Variants in CUEDC1 observed in about 807,000 individuals in gnomAD.
The protein encoded by CUEDC1 is CUE domain containing 1.
Under a neutral mutation model 43.7 loss-of-function variants are expected in CUEDC1, and 30 were observed. The observed-to-expected ratio is 0.69, with a 90% CI of 0.51 to 0.93. CUEDC1 has a LOEUF of 0.93. CUEDC1 is among the 40% of genes least tolerant of loss of function. The pLI is 0.00. For synonymous variants in CUEDC1, 223 were observed against 223.6 expected (o/e 1.00, Z 0.02); for missense variants, 486 against 549.0 (o/e 0.89, Z 1.15).
At chr17:57,904,580 C>T (rs766911843) in intron 1 of CUEDC1, among the ~76,000 whole-genome samples, 1 of 152,212 alleles carries the variant, frequency 6.6e-6, no homozygotes, top group Non-Finnish European at 1.5e-5. Flanking sequence ...GGGAATGGCC[C>T]CTGCTCCCCG....
At chr17:57,875,349 G>C (rs1312979821) in intron 3 of CUEDC1, among the ~76,000 whole-genome samples, 2 of 152,174 alleles carry the variant, frequency 1.3e-5, no homozygotes. Flanking sequence ...TAGCCATGAA[G>C]ACTCCAAGTG....
At chr17:57,935,583 C>T (rs1043038764) in intron 1 of CUEDC1, among the ~76,000 whole-genome samples, 2 of 152,028 alleles carry the variant, frequency 1.3e-5, no homozygotes, top group Non-Finnish European at 2.9e-5. Flanking sequence ...GCCCCATCCC[C>T]GCTGCCCTCC....
chr17:57,919,029 T>C (rs879869591), intron 1 of CUEDC1, among the ~76,000 whole-genome samples: 71 of 150,444 alleles, frequency 4.7e-4, no homozygotes, highest in Non-Finnish European at 8.7e-4. Context: ...AATTTTTGTA[T>C]TATAGTAGAG....
At position 57,916,521 on chromosome 17, in the gene CUEDC1, G is replaced by A. The variant is rs751968550; in HGVS notation, c.-315-30642C>T. 8.3e-4 allele frequency among the ~76,000 whole-genome samples: 126 copies of A among 152,206 alleles called. 1 individual carries two copies. Among genetic ancestry groups the A allele is most frequent in the Non-Finnish European group, 2.6e-4 (18 of 68,036 alleles). ...CATGGAGATGCGACGGGGAAGCAAA[G>A]GAACAAAACAGGGAGAAACACAAAC... On this transcript the variant is annotated intron_variant, in intron 1 of 10. Transcript: ENST00000577830.
At chr17:57,902,335 A>C (rs73992370) in intron 1 of CUEDC1, among the ~76,000 whole-genome samples, 3,683 of 152,324 alleles carry the variant, frequency 0.024, 141 homozygotes, top group African/African-American at 0.083. Context: ...TCTCAAAAAG[A>C]GAAACGATGA....
At chr17:57,880,203 CAT>C (rs1475658731) in intron 2 of CUEDC1, among the ~76,000 whole-genome samples, 8 of 152,338 alleles carry the variant, frequency 5.3e-5, no homozygotes, top group South Asian at 4.1e-4. Context: ...GCGTGTGACT[CAT>C]GTGCTCCTGT....
rs1168313205 is a variant in CUEDC1 at position 57,861,910 on chromosome 17, T to G, written c.*1379A>C. On this transcript the variant is annotated 3_prime_UTR_variant, in exon 11 of 11. Transcript: ENST00000577830. ...GCCAGCGTCCCGGCCCCGCGCGCGT[T>G]TCCAAACTTGGTCACGCTCGGCGGC... 1 of 151,732 alleles carries G rather than the reference T, an allele frequency of 6.6e-6. No homozygotes were observed. Among genetic ancestry groups the G allele is most frequent in the Non-Finnish European group, 1.5e-5 (1 of 67,912 alleles). The allele number at this position is 151,732 out of a possible 1,614,324, so 9.4% of individuals were successfully genotyped here.
chr17:57,893,352 T>C (rs897860396), intron 1 of CUEDC1, among the ~76,000 whole-genome samples: 5 of 150,404 alleles, frequency 3.3e-5, no homozygotes, highest in African/African-American at 1.2e-4. Flanking sequence ...TCAGGGTATG[T>C]GTGTGTGTGT....
At chr17:57,887,609 A>G (rs895902065) in intron 1 of CUEDC1, among the ~76,000 whole-genome samples, 3 of 142,546 alleles carry the variant, frequency 2.1e-5, no homozygotes, top group Non-Finnish European at 4.5e-5. Flanking sequence ...CTCCTGCCTC[A>G]GCCTCTCGAG....
intron 1 of CUEDC1, among the ~76,000 whole-genome samples, chr17:57,913,040 G>C (rs1337268885): frequency 2.0e-5 from 3 of 152,022 alleles, no homozygotes; most frequent in Non-Finnish European, 2.9e-5. Context: ...TAGAAACTGG[G>C]TGTCTCCGGG....
chr17:57,868,623 G>C (rs928411702), intron 7 of CUEDC1, among the ~76,000 whole-genome samples: 9 of 152,210 alleles, frequency 5.9e-5, no homozygotes, highest in Non-Finnish European at 1.5e-5. Flanking sequence ...TTGGTTCTGG[G>C]ATTTCCATGA....
intron 1 of CUEDC1, among the ~76,000 whole-genome samples, chr17:57,918,192 A>C (rs994270784): frequency 6.6e-6 from 1 of 152,226 alleles, no homozygotes; most frequent in Non-Finnish European, 1.5e-5. Context: ...ACCAGAGTAC[A>C]TGTGCAAAAC....
intron 1 of CUEDC1, among the ~76,000 whole-genome samples, chr17:57,932,272 A>G (rs1448596118): frequency 7.5e-6 from 1 of 133,488 alleles, no homozygotes; most frequent in Non-Finnish European, 1.6e-5. Context: ...ACAAAGTGAC[A>G]CTGTGTCTCA....
chr17:57,922,282 C>T (rs1167350381), intron 1 of CUEDC1: 1 of 142,320 alleles, frequency 7.0e-6, no homozygotes, highest in Non-Finnish European at 1.6e-5. Context: ...AAAGTCCAGG[C>T]TTCTTTACCC....
intron 10 of CUEDC1, among the ~76,000 whole-genome samples, chr17:57,865,333 G>A (rs1047843283): frequency 1.3e-5 from 2 of 152,240 alleles, no homozygotes; most frequent in Non-Finnish European, 2.9e-5. Context: ...GGAGTCAGGT[G>A]GAGTGGGTGT....
chr17:57,901,894 C>T (rs2074475835), intron 1 of CUEDC1, among the ~76,000 whole-genome samples: 3 of 152,214 alleles, frequency 2.0e-5, no homozygotes, highest in Non-Finnish European at 4.4e-5. Context: ...GATGCACTGG[C>T]CGGGCATGGT....
At position 57,918,927 on chromosome 17, in the gene CUEDC1, C is replaced by T. The variant is rs142907881; in HGVS notation, c.-315-33048G>A. 5.3e-5 allele frequency among the ~76,000 whole-genome samples: 8 copies of T among 152,328 alleles called. No individual in the cohort carries two copies. The East Asian group carries it at 1.5e-3, about 29-fold the overall frequency. The stretch of plus-strand genomic sequence containing the variant: ...GGAGTGCAGTGGCATGATCTTGGCT[C>T]AGTGCAGCCTCCACCTCCCGGGATG... On this transcript the variant is annotated intron_variant, in intron 1 of 10. Coordinates refer to ENST00000577830, the MANE Select transcript of CUEDC1 (RefSeq NM_001271875.2).
At chr17:57,952,493 G>A (rs1371433661) in intron 1 of CUEDC1, among the ~76,000 whole-genome samples, 1 of 152,006 alleles carries the variant, frequency 6.6e-6, no homozygotes, top group Non-Finnish European at 1.5e-5. Context: ...TCCCAGAGTG[G>A]TGGGATTACA....
chr17:57,942,479 C>A (rs2074925592), intron 1 of CUEDC1, among the ~76,000 whole-genome samples: 1 of 152,002 alleles, frequency 6.6e-6, no homozygotes, highest in South Asian at 2.1e-4. Context: ...ACCTCCGCCT[C>A]CTGGGTTCAA....
Sources: gnomAD v4.1 joint callset for allele counts (sites outside exome capture counted in the v4.1 genomes callset) on GRCh38, gnomAD v4.1.1 for gene constraint, MANE v1.5 for transcripts, NCBI Gene and HGNC (gene_info 2026-07-23, HGNC 2026-07-21) for gene names.